The following ARAF variants were observed in gnomAD, a reference collection of about 807,000 sequenced individuals.
The protein encoded by ARAF is serine/threonine-protein kinase A-Raf.
Under a neutral mutation model 48.0 loss-of-function variants are expected in ARAF, and 18 were observed. The ratio of observed to expected loss-of-function variants is 0.37; its 90% CI spans 0.26 to 0.56. The LOEUF is 0.56. Ranked by LOEUF, ARAF falls within the 20% of genes least tolerant of loss-of-function variation. The pLI, the probability that ARAF is intolerant of heterozygous loss-of-function variation, is 0.77. For missense variants in ARAF, 389 were observed against 543.1 expected (o/e 0.72, Z 2.82); for synonymous variants, 207 against 220.1 (o/e 0.94, Z 0.53).
At chrX:47,562,810 G>A in intron 1 of ARAF, 99 bp from the exon 2 acceptor site, 1 of 448,710 alleles carries the variant, frequency 2.2e-6, no homozygotes, top group South Asian at 3.9e-5. Flanking sequence ...GCTGCAGGGG[G>A]CGACAGGAGC....
rs761521516 is a variant in ARAF at position 47,571,409 on chromosome X, C to T, written c.1773C>T (p.Ala591=). 1.7e-6 allele frequency: 2 copies of T among 1,208,886 alleles called. No individual in the cohort carries two copies. The highest frequency in any genetic ancestry group is 2.2e-6 in the Non-Finnish European group (2 of 894,147). The part of the protein sequence containing the change: ...ASEPSLHRTQ[A]DELPACLLSA... ...AACCCTCCTTGCACCGCACCCAGGC[C>T]GATGAGTTGCCTGCCTGCCTACTCA... The change falls in exon 16 of 16, where the codon GCC becomes GCT. Residue 591 remains alanine (A), a synonymous_variant. Coordinates refer to ENST00000377045, the MANE Select transcript of ARAF (RefSeq NM_001654.5).
chrX:47,567,096 G>A lies in ARAF; in HGVS notation c.838G>A (p.Glu280Lys), dbSNP rs145939962. The change falls in exon 9 of 16, where the codon GAG (glutamate) becomes AAG (lysine). Residue 280 changes from glutamate to lysine, a missense_variant. Around this residue, in one of 4 missense-constraint regions of ARAF, gnomAD observed 154 missense variants for 133.6 expected, o/e 1.15. Transcript: ENST00000377045. ...TTCCAAGTCACCAGCAGAGCAGCGC[G>A]AGCGGAAGTCCTTGGCCGATGACAA... The part of the protein sequence containing the change: ...PHSKSPAEQR[E>K]RKSLADDKKK... 161 of 1,210,243 alleles carry A rather than the reference G, an allele frequency of 1.3e-4. No individual in the cohort carries two copies. Among genetic ancestry groups the A allele is most frequent in the East Asian group, 1.8e-4 (6 of 33,773 alleles).
chrX:47,565,339 C>T lies in ARAF; in HGVS notation c.546C>T (p.Pro182=), dbSNP rs758558184. Reference sequence around the variant, plus strand: ...GCCCCCTGAATGAGTTGCTAACCCCCCAGGGTCCCAGGTAGGGATGCCTTA... The same window carrying T: ...GCCCCCTGAATGAGTTGCTAACCCCTCAGGGTCCCAGGTAGGGATGCCTTA... The part of the protein sequence containing the change: ...SNRPLNELLT[P]QGPSPRTQHC... The change falls in exon 6 of 16, where the codon CCC becomes CCT. Residue 182 remains proline (P), a synonymous_variant. Transcript: ENST00000377045. 14 of 1,209,020 alleles carry T rather than the reference C, an allele frequency of 1.2e-5. No individual in the cohort carries two copies. Among genetic ancestry groups the T allele is most frequent in the Middle Eastern group, 2.3e-4 (1 of 4,372 alleles).
chrX:47,564,932 T>C (rs759778132), intron 4 of ARAF, 33 bp downstream of exon 4: 3 of 1,208,439 alleles, frequency 2.5e-6, no homozygotes, highest in African/African-American at 1.7e-5. Flanking sequence ...GGGTGGACCA[T>C]GGTTGGGGGT....
Position 47,567,382 on chromosome X carries a change from G to T in ARAF, c.1026G>T (p.Gln342His). The change falls in exon 10 of 16, where the codon CAG (glutamine) becomes CAT (histidine). Residue 342 changes from glutamine to histidine, a missense_variant. Transcript: ENST00000377045. ...DVAVKVLKVS[Q>H]PTAEQAQAFK... ...CCGTGAAGGTGCTCAAGGTGTCCCA[G>T]CCCACAGCTGAGCAGGCCCAGGCTT... 1 of 1,209,834 alleles carries T rather than the reference G, an allele frequency of 8.3e-7. No homozygotes were observed. The highest frequency in any genetic ancestry group is 1.1e-6 in the Non-Finnish European group (1 of 894,588).
In ARAF at chrX:47,566,694, GC is replaced by G; in HGVS notation, c.619del (p.Leu207TyrfsTer85). 8.3e-7 allele frequency: 1 copy of G among 1,197,941 alleles called. No individual in the cohort carries two copies. Among genetic ancestry groups the G allele is most frequent in the Admixed American group, 2.2e-5 (1 of 45,030 alleles). ...EHFPFPAPAN[A>X]PLQRIRSTST... ...CTTCCCCTTCCCTGCCCCAGCCAAT[GC>G]CCCCCTACAGCGCATCCGCTCCACG... On this transcript the variant is annotated frameshift_variant, in exon 7 of 16. Transcript: ENST00000377045. LOFTEE classifies it high-confidence loss of function.
intron 14 of ARAF, 43 bp from the exon 15 acceptor site, chrX:47,570,835 C>T: frequency 8.5e-7 from 1 of 1,182,309 alleles, no homozygotes; most frequent in Non-Finnish European, 1.1e-6. Context: ...CCTCCCAGCC[C>T]CTGACCCCAG....
At chrX:47,566,056 A>G (rs1238234362) in intron 6 of ARAF, 1 of 113,249 alleles carries the variant, frequency 8.8e-6, no homozygotes, top group Non-Finnish European at 1.8e-5. Flanking sequence ...TTGTAACTTT[A>G]CAATATGTTT....
At chrX:47,570,667 A>C (rs2057751927) in intron 14 of ARAF, among the ~76,000 whole-genome samples, 1 of 111,092 alleles carries the variant, frequency 9.0e-6, no homozygotes, top group Non-Finnish European at 1.9e-5. Flanking sequence ...CCAGATACCT[A>C]CAATCCTTGA....
intron 10 of ARAF, among the ~76,000 whole-genome samples, chrX:47,568,033 A>G (rs927725607): frequency 2.7e-5 from 3 of 111,297 alleles, no homozygotes; most frequent in Non-Finnish European, 3.8e-5. Context: ...GATAGCGTCT[A>G]CCAACCCTGG....
intron 15 of ARAF, 50 bp downstream of exon 15, chrX:47,571,062 A>G: frequency 8.5e-7 from 1 of 1,175,480 alleles, no homozygotes; most frequent in Non-Finnish European, 1.1e-6. Flanking sequence ...TCTGGGATAG[A>G]GGAAGACTGA....
At chrX:47,570,316 A>G in intron 14 of ARAF, 1 of 253,603 alleles carries the variant, frequency 3.9e-6, no homozygotes, top group Non-Finnish European at 7.1e-6. Flanking sequence ...GCCCCCAAAT[A>G]CCCCAAAGCC....
chrX:47,567,139 C>G lies in ARAF; in HGVS notation c.873+8C>G, dbSNP rs370446747. 2.1e-5 allele frequency: 25 copies of G among 1,207,781 alleles called. No individual in the cohort carries two copies. Among genetic ancestry groups the G allele is most frequent in the Non-Finnish European group, 2.7e-5 (24 of 893,866 alleles). The stretch of plus-strand genomic sequence containing the variant: ...GATGACAAGAAGAAAGTGGTATGCT[C>G]GAGGGGGATCCTTTTGGGGCCACCA... On this transcript the variant is annotated splice_region_variant and intron_variant, in intron 9 of 15. Transcript: ENST00000377045.
chrX:47,567,007 G>C lies in ARAF; in HGVS notation c.749G>C (p.Ser250Thr). 8.3e-7 allele frequency: 1 copy of C among 1,211,811 alleles called. No homozygotes were observed. The highest frequency in any genetic ancestry group is 1.1e-6 in the Non-Finnish European group (1 of 895,473). Reference protein sequence around the residue: ...STDAAGSRGGSDGTPRGSPSP... With the variant: ...STDAAGSRGGTDGTPRGSPSP... ...GCAGCTGCCGGTAGTAGAGGAGGTA[G>C]TGATGGAACCCCCCGGGGGAGCCCC... Residue 250 changes from serine to threonine, a missense_variant, in exon 9 of 16, where the codon AGT becomes ACT. Transcript: ENST00000377045.
chrX:47,565,406 G>T, intron 6 of ARAF, 56 bp downstream of exon 6: 4 of 1,168,941 alleles, frequency 3.4e-6, no homozygotes, highest in Admixed American at 2.5e-5. Flanking sequence ...TGGGGCTCTT[G>T]TAGACCACGA....
chrX:47,567,556 A>G, intron 10 of ARAF, 124 bp downstream of exon 10: 1 of 791,329 alleles, frequency 1.3e-6, no homozygotes. Flanking sequence ...CCATCATCAG[A>G]AGTTGTTTCT....
intron 1 of ARAF, among the ~76,000 whole-genome samples, chrX:47,562,519 A>C (rs1451446341): frequency 4.8e-4 from 52 of 107,482 alleles, no homozygotes; most frequent in Admixed American, 1.3e-3. Flanking sequence ...AAAAAAAAAA[A>C]CCCAGGACAT....
Position 47,571,176 on chromosome X carries a change from GTGTA to G in ARAF, c.1687-143_1687-140del, listed in dbSNP as rs1313567893. 9.3e-6 allele frequency: 9 copies of G among 963,003 alleles called. No individual in the cohort carries two copies. The South Asian group carries it at 1.9e-4, about 20-fold the overall frequency. 79.4% of individuals were successfully genotyped at this position (963,003 alleles called of 1,213,427 possible). The stretch of plus-strand genomic sequence containing the variant: ...GAGGCTGGGACTGTTGGGGGTGTGT[GTGTA>G]TGTGTGTTTCGCCATGAGGCTGGGA... On this transcript the variant is annotated intron_variant, in intron 15 of 15. Coordinates refer to ENST00000377045, the MANE Select transcript of ARAF (RefSeq NM_001654.5).
Position 47,568,979 on chromosome X carries a change from C to T in ARAF, c.1254-8C>T, listed in dbSNP as rs746021042. 4.2e-6 allele frequency: 5 copies of T among 1,201,749 alleles called. No individual in the cohort carries two copies. The South Asian group carries it at 9.1e-5, about 22-fold the overall frequency. ...CAGCCAATCCGCCACCTGCCTCCACCCCCACAGCTACCTCCATGCCAAGAA... is the reference window on the plus strand; with the variant it reads ...CAGCCAATCCGCCACCTGCCTCCACTCCCACAGCTACCTCCATGCCAAGAA... On this transcript the variant is annotated splice_polypyrimidine_tract_variant and splice_region_variant and intron_variant, in intron 11 of 15. Coordinates refer to ENST00000377045, the MANE Select transcript of ARAF (RefSeq NM_001654.5).
Sources: gnomAD v4.1 joint callset for allele counts (sites outside exome capture counted in the v4.1 genomes callset) on GRCh38, gnomAD v4.1.1 for gene constraint, gnomAD v4.1.1 regional missense constraint, MANE v1.5 for transcripts, NCBI Gene and HGNC (gene_info 2026-07-23, HGNC 2026-07-21) for gene names.